The following PTPRD variants were observed in gnomAD, a reference collection of about 807,000 sequenced individuals.
The protein encoded by PTPRD is protein tyrosine phosphatase receptor type D.
In PTPRD, 34 loss-of-function variants were observed where a neutral mutation model predicts 214.5. That is an observed-to-expected ratio of 0.16 (90% CI 0.12 to 0.21). The LOEUF is 0.21. PTPRD is among the 10% of genes least tolerant of loss of function. The probability of loss-of-function intolerance (pLI) is 1.00; values close to 1 mark genes in which losing one functional copy is unlikely to be tolerated. For synonymous variants in PTPRD, 1,128 were observed against 845.7 expected, an observed-to-expected ratio of 1.33 and a Z score of -5.79; for missense variants, 2,545 against 2,398.7, an observed-to-expected ratio of 1.06 and a Z score of -1.27.
At chr9:8,480,889 C>T (rs752346265) in intron 30 of PTPRD, among the ~76,000 whole-genome samples, 20 of 152,030 alleles carry the variant, frequency 1.3e-4, no homozygotes, top group Non-Finnish European at 2.6e-4. Flanking sequence ...GCCTGTAACC[C>T]CAGCACTTTG....
At chr9:9,821,883 T>A (rs1323830213) in intron 5 of PTPRD, among the ~76,000 whole-genome samples, 1 of 150,584 alleles carries the variant, frequency 6.6e-6, no homozygotes, top group Non-Finnish European at 1.5e-5. Flanking sequence ...TATATGTATG[T>A]GTGCATGACT....
intron 2 of PTPRD, among the ~76,000 whole-genome samples, chr9:10,474,342 T>C (rs536790294): frequency 1.4e-4 from 20 of 147,230 alleles, no homozygotes; most frequent in Admixed American, 6.8e-4. Context: ...GCAATCCTAG[T>C]CTCTGAAAAA....
At chr9:10,063,909 G>T (rs1161195256) in intron 3 of PTPRD, among the ~76,000 whole-genome samples, 2 of 151,950 alleles carry the variant, frequency 1.3e-5, no homozygotes, top group East Asian at 3.9e-4. Context: ...AAAGTTCAAA[G>T]AGCATGACTA....
At chr9:8,560,364 G>A (rs1454354919) in intron 14 of PTPRD, among the ~76,000 whole-genome samples, 2 of 151,406 alleles carry the variant, frequency 1.3e-5, no homozygotes. Flanking sequence ...CAAAATGGGG[G>A]GAGTGGAAGA....
At chr9:8,541,073 A>C (rs1447931913) in intron 14 of PTPRD, among the ~76,000 whole-genome samples, 2 of 152,236 alleles carry the variant, frequency 1.3e-5, no homozygotes, top group Non-Finnish European at 2.9e-5. Flanking sequence ...TGAAAACTAC[A>C]GGAGTACATG....
rs867727738 is a variant in PTPRD, at chr9:9,950,750, A to G, written c.-471-12140T>C. Among the ~76,000 whole-genome samples, 5 of 33,524 alleles carry G rather than the reference A, an allele frequency of 1.5e-4. 1 individual carries two copies. The African/African-American group carries it at 4.1e-3, about 28-fold the overall frequency. The allele number at this position is 33,524 out of a possible 152,430, so 22.0% of individuals were successfully genotyped here. ...AAAAAAAAAAAAAAAAAAAAAAAAA[A>G]AAAAAAAAAAGAAGAAAGTGGAAGA... On this transcript the variant is annotated intron_variant, in intron 4 of 45. Transcript: ENST00000381196.
intron 8 of PTPRD, among the ~76,000 whole-genome samples, chr9:9,409,478 T>C (rs1401324250): frequency 6.6e-6 from 1 of 151,990 alleles, no homozygotes; most frequent in Non-Finnish European, 1.5e-5. Flanking sequence ...TTAAATATAA[T>C]TAAACTAATT....
intron 5 of PTPRD, among the ~76,000 whole-genome samples, chr9:9,773,066 C>G (rs1257541879): frequency 1.3e-5 from 2 of 152,030 alleles, no homozygotes; most frequent in Admixed American, 1.3e-4. Flanking sequence ...ACCATGTTTT[C>G]AAAGATAACT....
chr9:10,177,559 A>G (rs1467852215), intron 3 of PTPRD, among the ~76,000 whole-genome samples: 2 of 151,928 alleles, frequency 1.3e-5, no homozygotes, highest in African/African-American at 4.8e-5. Flanking sequence ...GACCAGAGGA[A>G]AAACAGATGA....
At chr9:8,530,317 T>G (rs1308452450) in intron 14 of PTPRD, among the ~76,000 whole-genome samples, 2 of 152,016 alleles carry the variant, frequency 1.3e-5, no homozygotes, top group African/African-American at 4.8e-5. Context: ...ATCAACTCTC[T>G]CATAGGAAAT....
At chr9:9,494,226 A>G (rs1193587275) in intron 8 of PTPRD, among the ~76,000 whole-genome samples, 1 of 152,230 alleles carries the variant, frequency 6.6e-6, no homozygotes, top group East Asian at 1.9e-4. Context: ...CAAGCTGTGA[A>G]TATTTTTGAC....
At chr9:8,407,110 C>T (rs2093060703) in intron 35 of PTPRD, among the ~76,000 whole-genome samples, 1 of 152,210 alleles carries the variant, frequency 6.6e-6, no homozygotes, top group Admixed American at 6.5e-5. Flanking sequence ...TTGATACCTA[C>T]ATTGAAGACT....
chr9:10,503,575 C>T (rs891984212), intron 2 of PTPRD, among the ~76,000 whole-genome samples: 1 of 151,932 alleles, frequency 6.6e-6, no homozygotes, highest in Non-Finnish European at 1.5e-5. Flanking sequence ...TTATCTTTTA[C>T]TTAACAAACA....
At chr9:10,391,654 T>A (rs1319764285) in intron 2 of PTPRD, among the ~76,000 whole-genome samples, 1 of 151,800 alleles carries the variant, frequency 6.6e-6, no homozygotes, top group African/African-American at 2.4e-5. Context: ...CAAGTCAACA[T>A]TACTGATTAC....
intron 8 of PTPRD, among the ~76,000 whole-genome samples, chr9:9,478,057 G>T (rs1008996173): frequency 3.3e-5 from 5 of 152,130 alleles, no homozygotes; most frequent in African/African-American, 4.8e-5. Flanking sequence ...TGAAAAATTT[G>T]TGGTCTATGA....
At chr9:10,112,048 AAAC>A (rs1200564334) in intron 3 of PTPRD, among the ~76,000 whole-genome samples, 1 of 152,218 alleles carries the variant, frequency 6.6e-6, no homozygotes, top group Non-Finnish European at 1.5e-5. Context: ...AATTGTGAAT[AAAC>A]AACAATGTGG....
chr9:8,735,582 C>G (rs1365484533), intron 11 of PTPRD, among the ~76,000 whole-genome samples: 2 of 152,176 alleles, frequency 1.3e-5, no homozygotes, highest in East Asian at 3.8e-4. Context: ...GGGAAACCAT[C>G]TTCTATTAGG....
intron 11 of PTPRD, among the ~76,000 whole-genome samples, chr9:8,761,276 T>C (rs1342581168): frequency 6.6e-6 from 1 of 152,174 alleles, no homozygotes; most frequent in Non-Finnish European, 1.5e-5. Context: ...ACATGGTAGC[T>C]ATAAAAAGAG....
At chr9:8,633,521 T>C in intron 13 of PTPRD, 63 bp from the exon 14 acceptor site, 1 of 1,576,274 alleles carries the variant, frequency 6.3e-7, no homozygotes, top group South Asian at 1.2e-5. Flanking sequence ...CAGCTAAAGC[T>C]CTCAATACAG....
Sources: gnomAD v4.1 joint callset for allele counts (sites outside exome capture counted in the v4.1 genomes callset) on GRCh38, gnomAD v4.1.1 for gene constraint, MANE v1.5 for transcripts, NCBI Gene and HGNC (gene_info 2026-07-23, HGNC 2026-07-21) for gene names.